The following ESYT1 variants were observed in gnomAD, a reference collection of about 807,000 sequenced individuals.
ESYT1 encodes extended synaptotagmin-1.
A neutral mutation model predicts 154.2 loss-of-function variants in ESYT1; 116 were observed. The ratio of observed to expected loss-of-function variants is 0.75; its 90% confidence interval spans 0.65 to 0.88. The LOEUF (loss-of-function observed/expected upper bound fraction) is 0.88. Among genes scored for constraint, ESYT1 ranks in the 40% least tolerant of loss-of-function variants. The pLI, the probability that ESYT1 is intolerant of heterozygous loss-of-function variation, is 0.00. For missense variants in ESYT1, 1,264 were observed against 1,379.3 expected (o/e 0.92, Z 1.32); for synonymous variants, 500 against 539.9 (o/e 0.93, Z 1.02).
intron 24 of ESYT1, among the ~76,000 whole-genome samples, chr12:56,139,900 G>A (rs894654889): frequency 6.8e-5 from 10 of 146,452 alleles, no homozygotes; most frequent in African/African-American, 2.5e-4. Context: ...TTTTTTTTTA[G>A]ACAGGGTCTT....
At position 56,134,084 on chromosome 12, in the gene ESYT1, T is replaced by C. The variant is rs756452818; in HGVS notation, c.1474-26T>C. 13 of 1,613,508 alleles carry C rather than the reference T, an allele frequency of 8.1e-6. No homozygotes were observed. In the Admixed American group the frequency reaches 2.2e-4, roughly 27 times the overall value. ...ACCAAAACCGAATCCCCCAAGATGG[T>C]GACCTCTGAATTGTACCCACCACAG... On this transcript the variant is annotated intron_variant, in intron 13 of 30. Coordinates refer to ENST00000394048, the MANE Select transcript of ESYT1 (RefSeq NM_015292.3).
chr12:56,130,491 C>T (rs1870187316), intron 1 of ESYT1, 91 bp from the exon 2 acceptor site: 2 of 1,512,246 alleles, frequency 1.3e-6, no homozygotes, highest in South Asian at 1.1e-5. Flanking sequence ...CACACACTCC[C>T]TCTCCTCTGT....
In ESYT1 at chr12:56,137,284, G is replaced by A. The variant is rs373758047; in HGVS notation, c.1849G>A (p.Val617Met). 6.8e-6 allele frequency: 11 copies of A among 1,614,074 alleles called. No individual in the cohort carries two copies. Among genetic ancestry groups the A allele is most frequent in the African/African-American group, 2.7e-5 (2 of 74,916 alleles). Residue 617 changes from valine to methionine, a missense_variant, in exon 17 of 31, where the codon GTG becomes ATG. By Grantham distance (21) the Val-to-Met change is conservative. Coordinates refer to ENST00000394048, the MANE Select transcript of ESYT1 (RefSeq NM_015292.3). ...GCCTGGTTGTCCTGGTGCTTGGGAC[G>A]TGGACAGTGAGAATCCCCAGAGAGG... ...TVPGCPGAWDVDSENPQRGSS... is the reference protein window; with the variant it reads ...TVPGCPGAWDMDSENPQRGSS...
chr12:56,132,809 T>C lies in ESYT1; in HGVS notation c.1244+8T>C. On this transcript the variant is annotated splice_region_variant and intron_variant, in intron 10 of 30. Transcript: ENST00000394048. ...AGATGACTTTCTGGGCAGGTGAGAC[T>C]CTGCCTGTTAGGATTCTAAAGCCCA... The C allele has an allele frequency of 1.2e-6, 2 of 1,612,074 alleles. No homozygotes were observed. Among genetic ancestry groups the C allele is most frequent in the South Asian group, 2.2e-5 (2 of 91,012 alleles).
chr12:56,136,715 C>T (rs1870472038), intron 15 of ESYT1, 29 bp from the exon 16 acceptor site: 1 of 1,560,678 alleles, frequency 6.4e-7, no homozygotes, highest in Non-Finnish European at 8.7e-7. Flanking sequence ...CTAATCCCTT[C>T]ACTACAGTCC....
Position 56,137,171 on chromosome 12 carries a change from G to A in ESYT1, c.1783-47G>A, listed in dbSNP as rs774506310. On this transcript the variant is annotated intron_variant, in intron 16 of 30. Coordinates refer to ENST00000394048, the MANE Select transcript of ESYT1 (RefSeq NM_015292.3). ...CCCACCCCACATGCTTTGCCTGCTG[G>A]TGACGAGCTGCACTTCTTTGATTCA... 32 of 1,609,434 alleles carry A rather than the reference G, an allele frequency of 2.0e-5. 2 individuals are homozygous for A. In the South Asian group the frequency reaches 3.2e-4, roughly 16 times the overall value.
In ESYT1 at chr12:56,131,099, G is replaced by A. The variant is rs1014455692; in HGVS notation, c.627G>A (p.Leu209=). Residue 209 remains leucine, a synonymous_variant, in exon 4 of 31, where the codon CTG becomes CTA. Transcript: ENST00000394048. The part of the protein sequence containing the change: ...HPGQRKEQIL[L]DLNISYVGDV... ...GTCAGAGAAAAGAGCAGATCCTGCT[G>A]GACTTGAACATCAGGTAATACCACT... 1 of 1,614,124 alleles carries A rather than the reference G, an allele frequency of 6.2e-7. No individual in the cohort carries two copies. Among genetic ancestry groups the A allele is most frequent in the Non-Finnish European group, 8.5e-7 (1 of 1,180,022 alleles).
In ESYT1 at chr12:56,144,413, TG is replaced by T; in HGVS notation, c.*553del. The T allele has an allele frequency of 1.0e-6, 1 of 988,532 alleles. No individual in the cohort carries two copies. The highest frequency in any genetic ancestry group is 1.2e-6 in the Non-Finnish European group (1 of 831,826). 61.2% of individuals were successfully genotyped at this position (988,532 alleles called of 1,614,324 possible). On this transcript the variant is annotated 3_prime_UTR_variant, in exon 31 of 31. Transcript: ENST00000394048. Reference sequence around the variant, plus strand: ...TGTCCTGAAAATTCTACTGCTTTGATGGCTGGGGCCAGTCTCTTGTCACTTT... The same window carrying T: ...TGTCCTGAAAATTCTACTGCTTTGATGCTGGGGCCAGTCTCTTGTCACTTT...
At chr12:56,141,509 G>A (rs1870685099) in intron 24 of ESYT1, among the ~76,000 whole-genome samples, 2 of 152,222 alleles carry the variant, frequency 1.3e-5, no homozygotes, top group South Asian at 2.1e-4. Flanking sequence ...GGGAGGCCAA[G>A]GCGGGCAGAT....
rs770858111 is a variant in ESYT1 at position 56,132,348 on chromosome 12, C to G, written c.984+16C>G. 2 of 1,613,996 alleles carry G rather than the reference C, an allele frequency of 1.2e-6. No homozygotes were observed. Among genetic ancestry groups the G allele is most frequent in the Non-Finnish European group, 1.7e-6 (2 of 1,180,032 alleles). ...TCTGCCCAGGGTATGGCCTTTCCCCCACTAGATAGATCCTTCTCTCAGGAA... is the reference window on the plus strand; with the variant it reads ...TCTGCCCAGGGTATGGCCTTTCCCCGACTAGATAGATCCTTCTCTCAGGAA... On this transcript the variant is annotated intron_variant, in intron 8 of 30. Transcript: ENST00000394048.
chr12:56,144,331 C>G lies in ESYT1; in HGVS notation c.*469C>G. On this transcript the variant is annotated 3_prime_UTR_variant, in exon 31 of 31. Coordinates refer to ENST00000394048, the MANE Select transcript of ESYT1 (RefSeq NM_015292.3). ...GAGCCTCTTAGACTACTGCATGTAG[C>G]AAATGTTCAGCAGCTCAGGCCCCCA... 9.8e-7 allele frequency: 1 copy of G among 1,015,650 alleles called. No individual in the cohort carries two copies. Among genetic ancestry groups the G allele is most frequent in the Non-Finnish European group, 1.2e-6 (1 of 847,096 alleles). 62.9% of individuals were successfully genotyped at this position (1,015,650 alleles called of 1,614,324 possible).
In ESYT1 at chr12:56,128,421, A is replaced by G. The variant is rs1272629893; in HGVS notation, c.102A>G (p.Pro34=). The change falls in exon 1 of 31, where the codon CCA becomes CCG. Residue 34 remains proline, a synonymous_variant. Coordinates refer to ENST00000394048, the MANE Select transcript of ESYT1 (RefSeq NM_015292.3). ...AGCCCCCCGCTGCTCACGCAAAGCC[A>G]GACCCAGGTTCTGGGGGCCAACCTG... ...TDQPPAAHAK[P]DPGSGGQPAG... is the part of the protein sequence containing the mutation. The G allele has an allele frequency of 6.2e-7, 1 of 1,612,602 alleles. No individual in the cohort carries two copies. The highest frequency in any genetic ancestry group is 8.5e-7 in the Non-Finnish European group (1 of 1,179,372).
chr12:56,130,489 C>T (rs927971283), intron 1 of ESYT1, 93 bp from the exon 2 acceptor site: 1 of 1,493,240 alleles, frequency 6.7e-7, no homozygotes, highest in Admixed American at 1.7e-5. Flanking sequence ...CACACACACT[C>T]CCTCTCCTCT....
In ESYT1 at chr12:56,142,696, C is replaced by T; in HGVS notation, c.2852C>T (p.Ala951Val). 1 of 1,613,958 alleles carries T rather than the reference C, an allele frequency of 6.2e-7. No homozygotes were observed. The highest frequency in any genetic ancestry group is 8.5e-7 in the Non-Finnish European group (1 of 1,180,032). The change falls in exon 26 of 31, where the codon GCC becomes GTC. Residue 951 changes from alanine (A) to valine (V), a missense_variant. Transcript: ENST00000394048. The surrounding 1 kb of genome is among the most constrained non-coding windows in gnomAD (Gnocchi z 4.1). ...SGGPPHITSSAPELRQRLTHV... is the reference protein window; with the variant it reads ...SGGPPHITSSVPELRQRLTHV... ...GGACCCCCTCACATCACCTCCTCAG[C>T]CCCAGAGCTCCGGCAGCGCCTAACA...
intron 15 of ESYT1, among the ~76,000 whole-genome samples, chr12:56,136,248 A>T (rs1298737050): frequency 6.6e-6 from 1 of 152,050 alleles, no homozygotes; most frequent in African/African-American, 2.4e-5. Flanking sequence ...TAGGATTTAA[A>T]TAGGCCGAGG....
In ESYT1 at chr12:56,144,006, G is replaced by C; in HGVS notation, c.*144G>C. 3 of 1,528,396 alleles carry C rather than the reference G, an allele frequency of 2.0e-6. No homozygotes were observed. The highest frequency in any genetic ancestry group is 2.6e-6 in the Non-Finnish European group (3 of 1,144,390). The allele number at this position is 1,528,396 out of a possible 1,614,324, so 94.7% of individuals were successfully genotyped here. On this transcript the variant is annotated 3_prime_UTR_variant, in exon 31 of 31. Coordinates refer to ENST00000394048, the MANE Select transcript of ESYT1 (RefSeq NM_015292.3). Reference sequence around the variant, plus strand: ...TTTCACCTAACAGGCCCATATTCGGGCCTTTGCCTGACCAAAGAGAAGAAC... The same window carrying C: ...TTTCACCTAACAGGCCCATATTCGGCCCTTTGCCTGACCAAAGAGAAGAAC...
rs149142059 is a variant in ESYT1 at position 56,137,229 on chromosome 12, G to A, written c.1794G>A (p.Leu598=). The A allele has an allele frequency of 6.2e-7, 1 of 1,614,174 alleles. No individual in the cohort carries two copies. Among genetic ancestry groups the A allele is most frequent in the African/African-American group, 1.3e-5 (1 of 75,024 alleles). ...ACTACCCTTCCTAGATCCTGTACTT[G>A]GATTCATCAGAAATATGCTTCCCCA... The part of the protein sequence containing the change: ...YMKLVMRILY[L]DSSEICFPTV... Residue 598 remains leucine (L), a synonymous_variant, in exon 17 of 31, where the codon TTG becomes TTA. Coordinates refer to ENST00000394048, the MANE Select transcript of ESYT1 (RefSeq NM_015292.3).
chr12:56,143,637 T>A lies in ESYT1; in HGVS notation c.3275+8T>A, dbSNP rs575260019. 2 of 1,613,590 alleles carry A rather than the reference T, an allele frequency of 1.2e-6. No homozygotes were observed. The highest frequency in any genetic ancestry group is 1.3e-5 in the African/African-American group (1 of 74,824). ...CCAGGGTGTAGCCCGGTGGTGAGTG[T>A]CTGCGTGGGTGGGGGATGGTCTGGA... On this transcript the variant is annotated splice_region_variant and intron_variant, in intron 30 of 30. Transcript: ENST00000394048.
At position 56,137,150 on chromosome 12, in the gene ESYT1, C is replaced by T. The variant is rs543587373; in HGVS notation, c.1783-68C>T. On this transcript the variant is annotated intron_variant, in intron 16 of 30. Transcript: ENST00000394048. ...CTGTCACAGCCCCTCCTCTACCCCACCCCACATGCTTTGCCTGCTGGTGAC... is the reference window on the plus strand; with the variant it reads ...CTGTCACAGCCCCTCCTCTACCCCATCCCACATGCTTTGCCTGCTGGTGAC... 922 of 1,586,298 alleles carry T rather than the reference C, an allele frequency of 5.8e-4. 11 individuals are homozygous for T. In the South Asian group the frequency reaches 8.9e-3, roughly 15 times the overall value.
Sources: allele counts gnomAD v4.1 joint callset (sites outside exome capture counted in the v4.1 genomes callset), GRCh38; gene constraint gnomAD v4.1.1; non-coding constraint Gnocchi (gnomAD v3.1); transcripts MANE v1.5; gene names NCBI Gene and HGNC (gene_info 2026-07-23, HGNC 2026-07-21).